The following CTDP1 variants were observed in gnomAD, a reference collection of about 807,000 sequenced individuals.
The protein encoded by CTDP1 is RNA polymerase II subunit A C-terminal domain phosphatase.
CTDP1 carries 47 observed loss-of-function variants against 91.8 expected under a neutral mutation model. The observed-to-expected ratio is 0.51, with a 90% CI of 0.41 to 0.65. The LOEUF is 0.65. CTDP1 is among the 30% of genes least tolerant of loss of function. The pLI is 0.00. For missense variants in CTDP1, 1,272 were observed against 1,373.7 expected (o/e 0.93, Z 1.17); for synonymous variants, 656 against 598.5 (o/e 1.10, Z -1.40).
chr18:79,719,056 G>C (rs2086279344), intron 10 of CTDP1, among the ~76,000 whole-genome samples: 1 of 152,248 alleles, frequency 6.6e-6, no homozygotes. Flanking sequence ...CCTTCGCACA[G>C]TGGGTGGCAG....
intron 1 of CTDP1, chr18:79,685,342 T>C (rs1476091801): frequency 6.6e-6 from 1 of 152,266 alleles, no homozygotes; most frequent in Non-Finnish European, 1.5e-5. Flanking sequence ...CTTTGGCTTT[T>C]TCCCAGTCAC....
Position 79,739,754 on chromosome 18 carries a change from C to T in CTDP1, c.2747+3233C>T, listed in dbSNP as rs901094744. On this transcript the variant is annotated intron_variant, in intron 12 of 12. Coordinates refer to ENST00000613122, the MANE Select transcript of CTDP1 (RefSeq NM_004715.5). ...CTGGGAGTCTGTTCAGGTTCTGCTG[C>T]GCAGCCTTCATACCCGCCGCCAGGA... 4.6e-5 allele frequency among the ~76,000 whole-genome samples: 7 copies of T among 152,210 alleles called. No individual in the cohort carries two copies. The South Asian group carries it at 8.3e-4, about 18-fold the overall frequency.
At chr18:79,723,838 C>G (rs995405113) in intron 10 of CTDP1, among the ~76,000 whole-genome samples, 1 of 152,214 alleles carries the variant, frequency 6.6e-6, no homozygotes, top group Non-Finnish European at 1.5e-5. Context: ...CGCGCCCTCT[C>G]CGGAGTGCTG....
At position 79,718,008 on chromosome 18, in the gene CTDP1, T is replaced by C; in HGVS notation, c.2409T>C (p.Ser803=). The C allele has an allele frequency of 1.2e-6, 2 of 1,613,198 alleles. No individual in the cohort carries two copies. Among genetic ancestry groups the C allele is most frequent in the Non-Finnish European group, 1.7e-6 (2 of 1,179,868 alleles). ...CCCTACCCATCCGCCAGGAGCCCTC[T>C]TCCTTCAGGTACGTGGCGGCCCAGC... ...SSSLPIRQEP[S]SFRAVPPPQP... Residue 803 remains serine (S), a synonymous_variant, in exon 10 of 13, where the codon TCT becomes TCC. Coordinates refer to ENST00000613122, the MANE Select transcript of CTDP1 (RefSeq NM_004715.5).
In CTDP1 at chr18:79,715,435, C is replaced by T. The variant is rs1319385064; in HGVS notation, c.1975C>T (p.His659Tyr). 1 of 1,594,654 alleles carries T rather than the reference C, an allele frequency of 6.3e-7. No individual in the cohort carries two copies. Among genetic ancestry groups the T allele is most frequent in the African/African-American group, 1.3e-5 (1 of 74,596 alleles). Residue 659 changes from histidine to tyrosine, a missense_variant, in exon 8 of 13, where the codon CAC (histidine) becomes TAC (tyrosine). His to Tyr is a moderately conservative substitution (Grantham distance 83). This residue lies in a region of CTDP1 where 881 missense variants were observed against 911.6 expected (regional missense o/e 0.97). Coordinates refer to ENST00000613122, the MANE Select transcript of CTDP1 (RefSeq NM_004715.5). ...FPIEKTREHY[H>Y]ATALGAKILT... ...GATAGAGAAGACGCGGGAGCATTAC[C>T]ACGCCACGGCGCTGGGAGCGAAGAT...
At chr18:79,748,364 A>T (rs945707633) in intron 12 of CTDP1, among the ~76,000 whole-genome samples, 1 of 152,196 alleles carries the variant, frequency 6.6e-6, no homozygotes, top group Non-Finnish European at 1.5e-5. Flanking sequence ...CAGCACCAGG[A>T]GGGACCGCGC....
At chr18:79,747,573 C>T (rs1426757277) in intron 12 of CTDP1, among the ~76,000 whole-genome samples, 1 of 152,214 alleles carries the variant, frequency 6.6e-6, no homozygotes, top group Non-Finnish European at 1.5e-5. Flanking sequence ...TTCCAGGTCC[C>T]CGCGGAGCCC....
intron 11 of CTDP1, among the ~76,000 whole-genome samples, chr18:79,735,028 G>A (rs867806695): frequency 1.6e-4 from 24 of 152,294 alleles, no homozygotes; most frequent in Middle Eastern, 3.4e-3. Context: ...GACACGTGGC[G>A]ATGAGTTTGA....
intron 1 of CTDP1, 31 bp from the exon 2 acceptor site, chr18:79,695,194 A>G: frequency 6.2e-7 from 1 of 1,601,876 alleles, no homozygotes; most frequent in Non-Finnish European, 8.6e-7. Flanking sequence ...AAGAGATTTT[A>G]AAGTGTTGTT....
chr18:79,699,546 A>G (rs1334994186), intron 4 of CTDP1, among the ~76,000 whole-genome samples: 1 of 151,904 alleles, frequency 6.6e-6, no homozygotes, highest in Non-Finnish European at 1.5e-5. Context: ...TACAGGCATG[A>G]GCCACCGCGC....
intron 3 of CTDP1, among the ~76,000 whole-genome samples, chr18:79,697,414 G>A (rs1448242310): frequency 2.0e-5 from 3 of 152,206 alleles, no homozygotes; most frequent in African/African-American, 2.4e-5. Flanking sequence ...GGGTCTCTTC[G>A]AGGCACAAGA....
intron 5 of CTDP1, among the ~76,000 whole-genome samples, chr18:79,708,467 G>A (rs1479283011): frequency 6.6e-6 from 1 of 152,236 alleles, no homozygotes; most frequent in East Asian, 1.9e-4. Context: ...GTTCAGATCC[G>A]GAAGTGGACC....
At chr18:79,737,976 G>GCT (rs1208509813) in intron 12 of CTDP1, among the ~76,000 whole-genome samples, 1 of 151,986 alleles carries the variant, frequency 6.6e-6, no homozygotes, top group Non-Finnish European at 1.5e-5. Flanking sequence ...TGAATCCCTG[G>GCT]CTGCCTCTCC....
At chr18:79,743,952 C>G (rs920902357) in intron 12 of CTDP1, among the ~76,000 whole-genome samples, 9 of 152,284 alleles carry the variant, frequency 5.9e-5, no homozygotes, top group African/African-American at 1.9e-4. Flanking sequence ...CCCATTCTAT[C>G]CAAAGCCACC....
At chr18:79,755,991 C>G (rs1290341719), downstream of CTDP1, 1 of 152,330 alleles carries the variant, frequency 6.6e-6, no homozygotes, top group Non-Finnish European at 1.5e-5. Context: ...AGGGGAGATG[C>G]AGCAGGTTCT....
chr18:79,682,581 T>C (rs1328380543), intron 1 of CTDP1, among the ~76,000 whole-genome samples: 1 of 152,192 alleles, frequency 6.6e-6, no homozygotes, highest in African/African-American at 2.4e-5. Flanking sequence ...TATGTAGATG[T>C]TTTTCAGTAA....
At chr18:79,701,902 G>A (rs866588712) in intron 4 of CTDP1, among the ~76,000 whole-genome samples, 24 of 152,172 alleles carry the variant, frequency 1.6e-4, no homozygotes, top group African/African-American at 5.3e-4. Context: ...ACTGAACTGC[G>A]GCAACTTCAG....
intron 1 of CTDP1, among the ~76,000 whole-genome samples, chr18:79,688,649 C>T (rs188592409): frequency 3.9e-5 from 6 of 152,288 alleles, no homozygotes; most frequent in African/African-American, 1.4e-4. Context: ...ACCCACCTGC[C>T]TTGGCTTCCC....
rs138282514 is a variant in CTDP1 at position 79,743,546 on chromosome 18, A to G, written c.2747+7025A>G. Among the ~76,000 whole-genome samples the G allele has an allele frequency of 4.0e-3, 580 of 143,986 alleles. 10 individuals are homozygous for G. Among genetic ancestry groups the G allele is most frequent in the African/African-American group, 0.014 (556 of 39,750 alleles). The allele number at this position is 143,986 out of a possible 152,430, so 94.5% of individuals were successfully genotyped here. On this transcript the variant is annotated intron_variant, in intron 12 of 12. Transcript: ENST00000613122. ...GTCTCCAAAAAAAAAAAAAAAAAACAGTGAAGCACAAAGTGAGGAGTCTGA... is the reference window on the plus strand; with the variant it reads ...GTCTCCAAAAAAAAAAAAAAAAAACGGTGAAGCACAAAGTGAGGAGTCTGA...
Sources: allele counts gnomAD v4.1 joint callset (sites outside exome capture counted in the v4.1 genomes callset), GRCh38; gene constraint gnomAD v4.1.1; regional missense constraint gnomAD v4.1.1; transcripts MANE v1.5; gene names NCBI Gene and HGNC (gene_info 2026-07-23, HGNC 2026-07-21).